Variants in ABCA4 observed in about 807,000 individuals in gnomAD.
The protein encoded by ABCA4 is ATP binding cassette subfamily A member 4, also known as retinal-specific phospholipid-transporting ATPase ABCA4.
Under a neutral mutation model 263.7 loss-of-function variants are expected in ABCA4, and 196 were observed. The ratio of observed to expected loss-of-function variants is 0.74; its 90% confidence interval spans 0.66 to 0.84. The LOEUF (loss-of-function observed/expected upper bound fraction) is 0.84. Among genes scored for constraint, ABCA4 ranks in the 40% least tolerant of loss-of-function variants. The pLI, the probability that ABCA4 is intolerant of heterozygous loss-of-function variation, is 0.00. For missense variants in ABCA4, 2,792 were observed against 2,855.1 expected, an observed-to-expected ratio of 0.98 and a Z score of 0.50; for synonymous variants, 1,133 against 1,094.2, an observed-to-expected ratio of 1.04 and a Z score of -0.70.
intron 3 of ABCA4, 125 bp downstream of exon 3, chr1:94,111,313 G>A: frequency 1.5e-6 from 2 of 1,324,368 alleles, no homozygotes; most frequent in Admixed American, 2.0e-5. Context: ...CTCCTAAGAG[G>A]TTAGGGGCTC....
At chr1:94,021,770 C>G in intron 33 of ABCA4, 56 bp from the exon 34 acceptor site, 1 of 1,606,868 alleles carries the variant, frequency 6.2e-7, no homozygotes, top group Non-Finnish European at 8.5e-7. Flanking sequence ...TTCCTGTTAT[C>G]ACTCATGAGA....
At position 94,120,968 on chromosome 1, in the gene ABCA4, A is replaced by T; in HGVS notation, c.66+12T>A. The T allele has an allele frequency of 6.2e-7, 1 of 1,605,374 alleles. No homozygotes were observed. ...CACACCTCATTTTTAAACCACAGAC[A>T]GTAACTGTTACCTTTTGCCTTTTCC... On this transcript the variant is annotated intron_variant, in intron 1 of 49. Coordinates refer to ENST00000370225, the MANE Select transcript of ABCA4 (RefSeq NM_000350.3).
chr1:94,112,776 C>T (rs1441486984), intron 2 of ABCA4, among the ~76,000 whole-genome samples, 197 bp downstream of exon 2: 1 of 152,220 alleles, frequency 6.6e-6, no homozygotes, highest in Admixed American at 6.5e-5. Flanking sequence ...GCCTCGGCAA[C>T]AGAGTGAGAC....
intron 44 of ABCA4, among the ~76,000 whole-genome samples, chr1:94,003,812 A>AT (rs1020271950): frequency 2.6e-5 from 4 of 151,766 alleles, no homozygotes; most frequent in Admixed American, 2.6e-4. Flanking sequence ...TTGTTTGCTA[A>AT]TTTTTTGTAG....
At position 94,060,842 on chromosome 1, in the gene ABCA4, T is replaced by C. The variant is rs1291947793; in HGVS notation, c.1938-83A>G. 3 of 1,182,358 alleles carry C rather than the reference T, an allele frequency of 2.5e-6. No homozygotes were observed. The East Asian group carries it at 7.6e-5, about 30-fold the overall frequency. 73.2% of individuals were successfully genotyped at this position (1,182,358 alleles called of 1,614,324 possible). A position where few individuals can be genotyped will look rare whatever the true frequency, so the allele number is the denominator to read the frequency against. ...ATAAATGTTTGTTGAATGAATGTGT[T>C]GAGAACAAAGCCCAGATGGAGGGAA... On this transcript the variant is annotated intron_variant, in intron 13 of 49. Coordinates refer to ENST00000370225, the MANE Select transcript of ABCA4 (RefSeq NM_000350.3).
chr1:94,001,019 C>T lies in ABCA4; in HGVS notation c.6369G>A (p.Val2123=). The T allele has an allele frequency of 1.2e-6, 2 of 1,614,098 alleles. No individual in the cohort carries two copies. Among genetic ancestry groups the T allele is most frequent in the Non-Finnish European group, 1.7e-6 (2 of 1,180,010 alleles). Residue 2123 remains valine (V), a synonymous_variant, in exon 46 of 50, where the codon GTG becomes GTA. Transcript: ENST00000370225. The stretch of plus-strand genomic sequence containing the variant: ...TCTCTTGCCTGTGGGATGTGAGGAC[C>T]ACAGCCCTCCCTTCTCTGATGATGC... ...IVSIIREGRA[V]VLTSHSMEEC...
intron 14 of ABCA4, 74 bp downstream of exon 14, chr1:94,060,463 G>T: frequency 7.2e-7 from 1 of 1,389,874 alleles, no homozygotes; most frequent in Non-Finnish European, 1.0e-6. Context: ...GACTAATCCA[G>T]GCACATGAAC....
intron 31 of ABCA4, 65 bp from the exon 32 acceptor site, chr1:94,023,483 C>G: frequency 7.4e-7 from 1 of 1,346,606 alleles, no homozygotes; most frequent in Non-Finnish European, 1.1e-6. Context: ...AACTTTCTTT[C>G]CCAAACATTC....
At chr1:94,047,862 C>G (rs1007358112) in intron 18 of ABCA4, among the ~76,000 whole-genome samples, 4 of 152,208 alleles carry the variant, frequency 2.6e-5, no homozygotes, top group Non-Finnish European at 5.9e-5. Context: ...CCTGACCTCC[C>G]ATCTATCCCT....
intron 1 of ABCA4, among the ~76,000 whole-genome samples, 164 bp downstream of exon 1, chr1:94,120,816 G>C (rs1662925936): frequency 6.6e-6 from 1 of 152,090 alleles, no homozygotes; most frequent in Admixed American, 6.6e-5. Flanking sequence ...CCACAGAAAG[G>C]CCGTCCAGCT....
intron 7 of ABCA4, among the ~76,000 whole-genome samples, chr1:94,082,135 A>G (rs1395976458): frequency 1.3e-5 from 2 of 152,224 alleles, no homozygotes; most frequent in Non-Finnish European, 2.9e-5. Flanking sequence ...CTATGCTTCA[A>G]TAAAGTCAAA....
intron 6 of ABCA4, among the ~76,000 whole-genome samples, chr1:94,089,688 C>T (rs762423837): frequency 3.3e-5 from 5 of 151,966 alleles, no homozygotes; most frequent in Non-Finnish European, 5.9e-5. Flanking sequence ...TCTTGAACTC[C>T]GGACCTCAAG....
At chr1:94,082,808 G>A (rs772765564) in intron 7 of ABCA4, among the ~76,000 whole-genome samples, 7 of 152,110 alleles carry the variant, frequency 4.6e-5, no homozygotes, top group Non-Finnish European at 1.0e-4. Flanking sequence ...TATCTATTGC[G>A]TGGAAGAATC....
chr1:94,051,850 C>A, intron 16 of ABCA4, 152 bp from the exon 17 acceptor site: 1 of 690,676 alleles, frequency 1.4e-6, no homozygotes, highest in Non-Finnish European at 2.6e-6. Flanking sequence ...TCTCAGGCTC[C>A]CAGAAAGACT....
chr1:94,082,123 A>C (rs1039450219), intron 7 of ABCA4, among the ~76,000 whole-genome samples: 7 of 152,222 alleles, frequency 4.6e-5, no homozygotes, highest in African/African-American at 1.7e-4. Context: ...TATAATCACC[A>C]TCTATGCTTC....
chr1:94,027,934 G>A (rs141290178), intron 30 of ABCA4, among the ~76,000 whole-genome samples: 3 of 152,270 alleles, frequency 2.0e-5, no homozygotes, highest in East Asian at 1.9e-4. Context: ...ATAGAACATC[G>A]TGCACCACCC....
At chr1:94,022,724 A>G (rs1659936444) in intron 32 of ABCA4, among the ~76,000 whole-genome samples, 1 of 152,114 alleles carries the variant, frequency 6.6e-6, no homozygotes, top group African/African-American at 2.4e-5. Context: ...GCAGAGGAGG[A>G]GCTCTTTCTC....
In ABCA4 at chr1:94,113,012, A is replaced by C. The variant is rs1662654220; in HGVS notation, c.121T>G (p.Trp41Gly). The change falls in exon 2 of 50, where the codon TGG becomes GGG. Residue 41 changes from tryptophan (W) to glycine (G), a missense_variant. By Grantham distance (184) the Trp-to-Gly change is radical. Coordinates refer to ENST00000370225, the MANE Select transcript of ABCA4 (RefSeq NM_000350.3). ...WPLSLFLVLIWLRNANPLYSH... is the reference protein window; with the variant it reads ...WPLSLFLVLIGLRNANPLYSH... ...TAGAGTGGGTTGGCATTCCTTAACC[A>C]GATCAAGACCAGAAATAAAGATAAA... 4 of 1,614,184 alleles carry C rather than the reference A, an allele frequency of 2.5e-6. No homozygotes were observed. The highest frequency in any genetic ancestry group is 3.4e-6 in the Non-Finnish European group (4 of 1,180,016).
At chr1:94,003,779 G>A (rs554684713) in intron 44 of ABCA4, among the ~76,000 whole-genome samples, 45 of 152,116 alleles carry the variant, frequency 3.0e-4, no homozygotes, top group African/African-American at 9.2e-4. Flanking sequence ...GACTATAGGC[G>A]TGCACCACCA....
Sources: allele counts gnomAD v4.1 joint callset (sites outside exome capture counted in the v4.1 genomes callset), GRCh38; gene constraint gnomAD v4.1.1; transcripts MANE v1.5; gene names NCBI Gene and HGNC (gene_info 2026-07-23, HGNC 2026-07-21).